PCDHGA5: variants seen among roughly 807,000 people sequenced by gnomAD.
PCDHGA5 encodes the protein protocadherin gamma-A5.
PCDHGA5 carries 36 observed loss-of-function variants against 56.7 expected under a neutral mutation model. That is an observed-to-expected ratio of 0.64 (90% CI 0.49 to 0.84). PCDHGA5 has a LOEUF of 0.84. PCDHGA5 is among the 40% of genes least tolerant of loss of function. The pLI is 0.00. For synonymous variants in PCDHGA5, 563 were observed against 520.2 expected, an observed-to-expected ratio of 1.08 and a Z score of -1.12; for missense variants, 1,305 against 1,201.5, an observed-to-expected ratio of 1.09 and a Z score of -1.27.
chr5:141,375,125 G>C (rs376049572), intron 1 of PCDHGA5: 128 of 1,613,766 alleles, frequency 7.9e-5, no homozygotes, highest in African/African-American at 1.3e-5. Context: ...ACCAGAAGTG[G>C]TTGTTACATC....
rs143779180 is a variant in PCDHGA5, at chr5:141,485,438, C to T, written c.2422-9369C>T. Reference sequence around the variant, plus strand: ...CAGCGGAGCCCTGCTCATCAAGAACCCAATCGACCGAGAGGCACTGTGTGG... The same window carrying T: ...CAGCGGAGCCCTGCTCATCAAGAACTCAATCGACCGAGAGGCACTGTGTGG... On this transcript the variant is annotated intron_variant, in intron 1 of 3. Transcript: ENST00000518069. This position sits in a 1 kb window ranked among gnomAD's most constrained non-coding sequence, Gnocchi z 5.7. 2.9e-5 allele frequency: 47 copies of T among 1,614,052 alleles called. No individual in the cohort carries two copies. The highest frequency in any genetic ancestry group is 4.0e-5 in the African/African-American group (3 of 74,924).
chr5:141,415,404 C>A lies in PCDHGA5; in HGVS notation c.2421+48653C>A, dbSNP rs199662613. On this transcript the variant is annotated intron_variant, in intron 1 of 3. Transcript: ENST00000518069. ...GCTTGACAGGTGTGTCCGGCTCGCA[C>A]TTTGTGGGCGTGGACGGGGTTCGGG... The A allele has an allele frequency of 2.2e-4, 363 of 1,614,238 alleles. 1 individual carries two copies. Among genetic ancestry groups the A allele is most frequent in the Non-Finnish European group, 6.8e-6 (8 of 1,180,048 alleles).
intron 1 of PCDHGA5, chr5:141,390,466 G>A: frequency 1.4e-6 from 1 of 712,034 alleles, no homozygotes; most frequent in East Asian, 2.7e-5. Context: ...AGGAGCAATT[G>A]TGTGGCCCAA....
At chr5:141,369,807 C>A (rs998139632) in intron 1 of PCDHGA5, among the ~76,000 whole-genome samples, 1 of 152,130 alleles carries the variant, frequency 6.6e-6, no homozygotes, top group Non-Finnish European at 1.5e-5. Flanking sequence ...CTGCCATCAC[C>A]AAAAATAGCT....
intron 1 of PCDHGA5, among the ~76,000 whole-genome samples, chr5:141,438,764 C>A (rs963627140): frequency 6.7e-6 from 1 of 148,638 alleles, no homozygotes; most frequent in Non-Finnish European, 1.5e-5. Flanking sequence ...TGGGTTCAAG[C>A]GATTCTCCTG....
At chr5:141,495,164 C>T (rs1326419591) in intron 2 of PCDHGA5, among the ~76,000 whole-genome samples, 4 of 152,198 alleles carry the variant, frequency 2.6e-5, no homozygotes, top group Admixed American at 1.3e-4. Context: ...AAGCTGGTCT[C>T]TGGGTGAAAG....
chr5:141,414,862 G>A (rs763491057), intron 1 of PCDHGA5: 1 of 1,614,226 alleles, frequency 6.2e-7, no homozygotes, highest in Non-Finnish European at 8.5e-7. Context: ...GAACGACAAT[G>A]CGCCCGAGAT....
intron 1 of PCDHGA5, among the ~76,000 whole-genome samples, chr5:141,447,463 C>T (rs1004772636): frequency 6.6e-6 from 1 of 152,142 alleles, no homozygotes; most frequent in African/African-American, 2.4e-5. Context: ...AGTTTTTCTT[C>T]ACCATCTGTA....
At chr5:141,381,743 C>T (rs9324849) in intron 1 of PCDHGA5, among the ~76,000 whole-genome samples, 4,143 of 151,894 alleles carry the variant, frequency 0.027, 183 homozygotes, top group African/African-American at 0.096. Flanking sequence ...ATTTGGATTC[C>T]GACATTGTTC....
chr5:141,505,335 A>G, intron 2 of PCDHGA5, 58 bp from the exon 3 acceptor site: 1 of 1,611,086 alleles, frequency 6.2e-7, no homozygotes, highest in Non-Finnish European at 8.5e-7. Flanking sequence ...AGAGGACAGG[A>G]GGGGCATGAG....
chr5:141,407,505 T>TTTTTTTTTTTTTTTTTTTTTTTTTTTTTG (rs1460306566), intron 1 of PCDHGA5, among the ~76,000 whole-genome samples: 2 of 152,144 alleles, frequency 1.3e-5, no homozygotes, highest in Non-Finnish European at 1.5e-5. Context: ...CTGTTTTTCT[T>TTTTTTTTTTTTTTTTTTTTTTTTTTTTTG]AGGCTATGTA....
intron 1 of PCDHGA5, chr5:141,403,502 A>G: frequency 6.2e-7 from 1 of 1,613,998 alleles, no homozygotes; most frequent in Non-Finnish European, 8.5e-7. Context: ...GAACGTGCAG[A>G]CTGGAGACAA....
At chr5:141,430,149 C>T (rs1051033560) in intron 1 of PCDHGA5, among the ~76,000 whole-genome samples, 4 of 151,968 alleles carry the variant, frequency 2.6e-5, no homozygotes, top group African/African-American at 9.7e-5. Flanking sequence ...CAGGATCATT[C>T]AAGGAATCTA....
chr5:141,393,115 GGT>G (rs1236382706), intron 1 of PCDHGA5: 1 of 1,613,438 alleles, frequency 6.2e-7, no homozygotes, highest in Non-Finnish European at 8.5e-7. Flanking sequence ...CAGAGCCCGC[GGT>G]GTCTGATAAA....
chr5:141,368,346 CACACACATATATAT>C (rs1161760512), intron 1 of PCDHGA5, among the ~76,000 whole-genome samples: 26 of 152,176 alleles, frequency 1.7e-4, no homozygotes, highest in South Asian at 1.4e-3. Context: ...TATACATATA[CACACACATATATAT>C]ACACACATAT....
In PCDHGA5 at chr5:141,370,388, G is replaced by A. The variant is rs10052885; in HGVS notation, c.2421+3637G>A. 6.8e-4 allele frequency: 1,046 copies of A among 1,542,246 alleles called. 12 individuals carry two copies. In the African/African-American group the frequency reaches 0.013, roughly 19 times the overall value. Reference sequence around the variant, plus strand: ...GGATTTAGAAAGGCAAAGGCGCAGAGAGCGGGATGGGAAATAGCTCCGGAT... The same window carrying A: ...GGATTTAGAAAGGCAAAGGCGCAGAAAGCGGGATGGGAAATAGCTCCGGAT... On this transcript the variant is annotated intron_variant, in intron 1 of 3. Coordinates refer to ENST00000518069, the MANE Select transcript of PCDHGA5 (RefSeq NM_018918.3).
At chr5:141,427,963 T>C (rs1289642441) in intron 1 of PCDHGA5, 1 of 1,589,380 alleles carries the variant, frequency 6.3e-7, no homozygotes, top group East Asian at 2.2e-5. Flanking sequence ...GTGCCGCGGG[T>C]GCTGTACCCC....
intron 2 of PCDHGA5, among the ~76,000 whole-genome samples, chr5:141,503,950 C>T (rs1216385793): frequency 3.3e-5 from 5 of 152,180 alleles, no homozygotes; most frequent in Non-Finnish European, 7.3e-5. Flanking sequence ...CAAGGCCTAC[C>T]CTACAGCCTT....
chr5:141,417,821 A>G (rs769813917), intron 1 of PCDHGA5: 1 of 1,514,942 alleles, frequency 6.6e-7, no homozygotes, highest in African/African-American at 1.4e-5. Flanking sequence ...ACTTTCTCCA[A>G]CTGGAAAAGC....
Sources: gnomAD v4.1 joint callset for allele counts (sites outside exome capture counted in the v4.1 genomes callset) on GRCh38, gnomAD v4.1.1 for gene constraint, Gnocchi (gnomAD v3.1) non-coding constraint, MANE v1.5 for transcripts, NCBI Gene and HGNC (gene_info 2026-07-23, HGNC 2026-07-21) for gene names.